The following TESK2 variants were observed in gnomAD, a reference collection of about 807,000 sequenced individuals.
TESK2 encodes the protein testis associated actin remodelling kinase 2, also known as dual specificity testis-specific protein kinase 2.
A neutral mutation model predicts 57.1 loss-of-function variants in TESK2; 39 were observed. That is an observed-to-expected ratio of 0.68 (90% CI 0.53 to 0.89). The LOEUF (loss-of-function observed/expected upper bound fraction) is 0.89. Among genes scored for constraint, TESK2 ranks in the 40% least tolerant of loss-of-function variants. The pLI is 0.00. For synonymous variants in TESK2, 249 were observed against 267.9 expected, an observed-to-expected ratio of 0.93 and a Z score of 0.69; for missense variants, 646 against 732.1, an observed-to-expected ratio of 0.88 and a Z score of 1.36.
In TESK2 at chr1:45,345,012, C is replaced by T. The variant is rs767358900; in HGVS notation, c.1544G>A (p.Cys515Tyr). The T allele has an allele frequency of 1.2e-6, 2 of 1,614,248 alleles. No individual in the cohort carries two copies. Among genetic ancestry groups the T allele is most frequent in the South Asian group, 2.2e-5 (2 of 91,090 alleles). Residue 515 changes from cysteine (C) to tyrosine (Y), a missense_variant, in exon 11 of 11, where the codon TGC becomes TAC. Cys to Tyr is a radical substitution (Grantham distance 194). Coordinates refer to ENST00000372086, the MANE Select transcript of TESK2 (RefSeq NM_007170.3). ...PAAQAHEAMD[C>Y]SILQEENGFG... The stretch of plus-strand genomic sequence containing the variant: ...ACCATTTTCTTCCTGGAGAATGGAG[C>T]AGTCCATAGCCTCATGGGCTTGAGC...
At chr1:45,426,647 T>A (rs1650705557) in intron 2 of TESK2, among the ~76,000 whole-genome samples, 1 of 151,994 alleles carries the variant, frequency 6.6e-6, no homozygotes, top group Admixed American at 6.6e-5. Context: ...TGAAACAAAG[T>A]GAAGAGTCAA....
chr1:45,413,770 A>G (rs963090444), intron 3 of TESK2: 18 of 452,554 alleles, frequency 4.0e-5, no homozygotes, highest in African/African-American at 3.6e-4. Context: ...CCAGCACCTG[A>G]GAAGGCACAT....
chr1:45,364,696 C>T (rs748133271), intron 4 of TESK2, among the ~76,000 whole-genome samples: 7 of 152,164 alleles, frequency 4.6e-5, no homozygotes, highest in Non-Finnish European at 1.0e-4. Flanking sequence ...GGTGACCAAA[C>T]ATCTAACTAA....
intron 4 of TESK2, among the ~76,000 whole-genome samples, chr1:45,379,749 A>C (rs986957567): frequency 6.6e-6 from 1 of 152,220 alleles, no homozygotes; most frequent in Non-Finnish European, 1.5e-5. Flanking sequence ...CATTTCTTTC[A>C]GTACCAAACA....
At chr1:45,375,803 T>C (rs1379731863) in intron 4 of TESK2, among the ~76,000 whole-genome samples, 1 of 152,224 alleles carries the variant, frequency 6.6e-6, no homozygotes, top group Non-Finnish European at 1.5e-5. Flanking sequence ...ATTTGTTCAT[T>C]ATTGTATTCC....
intron 4 of TESK2, among the ~76,000 whole-genome samples, chr1:45,372,941 T>C (rs1648257929): frequency 6.6e-6 from 1 of 150,422 alleles, no homozygotes; most frequent in South Asian, 2.1e-4. Context: ...GGCAGGAGAA[T>C]TGCTCGAACC....
intron 3 of TESK2, among the ~76,000 whole-genome samples, chr1:45,402,486 C>CTT (rs577207332): frequency 2.8e-5 from 4 of 142,146 alleles, no homozygotes; most frequent in Non-Finnish European, 4.6e-5. Flanking sequence ...ACTATTTTTT[C>CTT]TTTTTTTTTT....
chr1:45,394,479 G>T (rs1396530257), intron 3 of TESK2, among the ~76,000 whole-genome samples: 1 of 151,506 alleles, frequency 6.6e-6, no homozygotes, highest in Admixed American at 6.6e-5. Context: ...GACCACTGTG[G>T]AAACAAACCC....
At chr1:45,453,160 A>G (rs1191526648) in intron 2 of TESK2, among the ~76,000 whole-genome samples, 3 of 151,982 alleles carry the variant, frequency 2.0e-5, no homozygotes, top group East Asian at 3.9e-4. Context: ...CAGCCTTAAC[A>G]TGGTGAAACC....
chr1:45,453,335 C>A lies in TESK2; in HGVS notation c.222+4229G>T, dbSNP rs140408847. ...CCAGCCTAGGTAACAGAATGAGACC[C>A]TGTCTCAAAAAAAAAAAAAAAAAAA... is the stretch of plus-strand genomic sequence containing the variant. On this transcript the variant is annotated intron_variant, in intron 2 of 10. Transcript: ENST00000372086. 6.7e-3 allele frequency among the ~76,000 whole-genome samples: 902 copies of A among 135,264 alleles called. 6 individuals are homozygous for A. Among genetic ancestry groups the A allele is most frequent in the South Asian group, 0.025 (108 of 4,310 alleles). The allele number at this position is 135,264 out of a possible 152,430, so 88.7% of individuals were successfully genotyped here.
At position 45,457,731 on chromosome 1, in the gene TESK2, G is replaced by A. The variant is rs1249858383; in HGVS notation, c.55C>T (p.Leu19Phe). ...IAGFPPRVER[L>F]EEFEGGGGGE... ...CCACCACCTCCTTCAAACTCTTCAA[G>A]ACGCTCCACACGTGGAGGAAATCCT... The change falls in exon 2 of 11, where the codon CTT (leucine) becomes TTT (phenylalanine). Residue 19 changes from leucine to phenylalanine, a missense_variant. Coordinates refer to ENST00000372086, the MANE Select transcript of TESK2 (RefSeq NM_007170.3). The A allele has an allele frequency of 1.2e-6, 2 of 1,614,114 alleles. No individual in the cohort carries two copies. Among genetic ancestry groups the A allele is most frequent in the East Asian group, 2.2e-5 (1 of 44,882 alleles).
chr1:45,346,654 C>T (rs1244364251), intron 9 of TESK2, 39 bp downstream of exon 9: 2 of 1,567,166 alleles, frequency 1.3e-6, no homozygotes, highest in East Asian at 2.3e-5. Flanking sequence ...AAGGGTTCAG[C>T]CAGCCCCTGA....
At chr1:45,442,574 C>T (rs933810207) in intron 2 of TESK2, among the ~76,000 whole-genome samples, 2 of 152,190 alleles carry the variant, frequency 1.3e-5, no homozygotes, top group African/African-American at 4.8e-5. Context: ...TTTTTGACAT[C>T]CTCAACAGAA....
At position 45,475,209 on chromosome 1, in the gene TESK2, C is replaced by CTTTTT. The variant is rs375872140; in HGVS notation, c.-87+15638_-87+15642dup. Among the ~76,000 whole-genome samples, 5 of 113,158 alleles carry CTTTTT rather than the reference C, an allele frequency of 4.4e-5. 1 individual carries two copies. Among genetic ancestry groups the CTTTTT allele is most frequent in the Admixed American group, 1.8e-4 (2 of 10,930 alleles). 74.2% of individuals were successfully genotyped at this position (113,158 alleles called of 152,430 possible). A position where few individuals can be genotyped will look rare whatever the true frequency, so the allele number is the denominator to read the frequency against. On this transcript the variant is annotated intron_variant, in intron 1 of 10. Coordinates refer to ENST00000372086, the MANE Select transcript of TESK2 (RefSeq NM_007170.3). ...GTTAGGTTCCTTGTGTTAGCCTGGC[C>CTTTTT]TTTTTTTTTTTTTTTTTTTTTGAGT...
chr1:45,411,202 GATTTTTT>G (rs1312345889), intron 3 of TESK2, among the ~76,000 whole-genome samples: 1 of 152,094 alleles, frequency 6.6e-6, no homozygotes, highest in Non-Finnish European at 1.5e-5. Flanking sequence ...TTTTCTGAGA[GATTTTTT>G]TCAGACCAAC....
At chr1:45,458,494 C>T (rs11582197) in intron 1 of TESK2, among the ~76,000 whole-genome samples, 2 of 151,048 alleles carry the variant, frequency 1.3e-5, no homozygotes, top group Admixed American at 6.6e-5. Context: ...GAACCCAGGA[C>T]GCAGGGGTTG....
At chr1:45,423,655 C>T (rs1650573866) in intron 2 of TESK2, among the ~76,000 whole-genome samples, 2 of 151,656 alleles carry the variant, frequency 1.3e-5, no homozygotes, top group South Asian at 4.2e-4. Flanking sequence ...GTAACTCTAC[C>T]CAAAGCACCT....
chr1:45,362,463 A>G (rs1228160253), intron 4 of TESK2, among the ~76,000 whole-genome samples: 1 of 152,192 alleles, frequency 6.6e-6, no homozygotes, highest in Non-Finnish European at 1.5e-5. Context: ...GTTTCAACCA[A>G]TTATAACTAT....
At chr1:45,380,710 T>C (rs1648618244) in intron 4 of TESK2, among the ~76,000 whole-genome samples, 1 of 152,232 alleles carries the variant, frequency 6.6e-6, no homozygotes, top group African/African-American at 2.4e-5. Context: ...TATCAATACT[T>C]AATCTAATAA....
Sources: gnomAD v4.1 joint callset for allele counts (sites outside exome capture counted in the v4.1 genomes callset) on GRCh38, gnomAD v4.1.1 for gene constraint, MANE v1.5 for transcripts, NCBI Gene and HGNC (gene_info 2026-07-23, HGNC 2026-07-21) for gene names.